The following PALM2AKAP2 variants were observed in gnomAD, a reference collection of about 807,000 sequenced individuals.
PALM2AKAP2 encodes the protein PALM2 and AKAP2 fusion, also known as PALM2-AKAP2 fusion protein.
In PALM2AKAP2, 37 loss-of-function variants were observed where a neutral mutation model predicts 71.5. The ratio of observed to expected loss-of-function variants is 0.52; its 90% CI spans 0.40 to 0.68. The LOEUF is 0.68. Among genes scored for constraint, PALM2AKAP2 ranks in the 30% least tolerant of loss-of-function variants. The pLI, the probability that PALM2AKAP2 is intolerant of heterozygous loss-of-function variation, is 0.00. For synonymous variants in PALM2AKAP2, 468 were observed against 478.8 expected (o/e 0.98, Z 0.29); for missense variants, 1,224 against 1,191.8 (o/e 1.03, Z -0.40).
chr9:109,869,798 C>T (rs1339931479), intron 2 of PALM2AKAP2, among the ~76,000 whole-genome samples: 1 of 152,164 alleles, frequency 6.6e-6, no homozygotes, highest in Non-Finnish European at 1.5e-5. Flanking sequence ...AAAATTCTCA[C>T]ACAGTTGATG....
At chr9:110,023,577 G>A (rs892332742) in intron 7 of PALM2AKAP2, among the ~76,000 whole-genome samples, 1 of 151,976 alleles carries the variant, frequency 6.6e-6, no homozygotes, top group Non-Finnish European at 1.5e-5. Flanking sequence ...GCCTCACAAA[G>A]TGCTGGGATT....
At chr9:109,940,519 T>C (rs908710383) in intron 6 of PALM2AKAP2, among the ~76,000 whole-genome samples, 1 of 152,206 alleles carries the variant, frequency 6.6e-6, no homozygotes, top group Admixed American at 6.5e-5. Context: ...TGTTATTTGG[T>C]TGTGCTAAAT....
intron 1 of PALM2AKAP2, among the ~76,000 whole-genome samples, chr9:110,081,882 C>T (rs993296473): frequency 3.3e-5 from 5 of 152,014 alleles, no homozygotes; most frequent in Non-Finnish European, 7.4e-5. Flanking sequence ...CCTACCTCTC[C>T]AAACCTTCCT....
intron 1 of PALM2AKAP2, among the ~76,000 whole-genome samples, chr9:110,107,567 A>AT (rs888132391): frequency 4.0e-5 from 6 of 151,382 alleles, no homozygotes; most frequent in African/African-American, 1.2e-4. Flanking sequence ...AGAACCTCTA[A>AT]TTTTTTTTTA....
chr9:109,904,764 A>T (rs750264389), intron 3 of PALM2AKAP2, among the ~76,000 whole-genome samples: 3 of 152,142 alleles, frequency 2.0e-5, no homozygotes, highest in Non-Finnish European at 4.4e-5. Context: ...TAAAATTATT[A>T]TTCTGGAGCA....
chr9:109,654,750 GGTGTGTGT>G (rs374397482), intron 1 of PALM2AKAP2, among the ~76,000 whole-genome samples: 11 of 147,298 alleles, frequency 7.5e-5, no homozygotes, highest in Admixed American at 4.1e-4. Context: ...GTATGTGTAT[GGTGTGTGT>G]GTGTGTGTGT....
chr9:109,980,381 T>C (rs1010433646), intron 6 of PALM2AKAP2, among the ~76,000 whole-genome samples: 1 of 152,172 alleles, frequency 6.6e-6, no homozygotes, highest in African/African-American at 2.4e-5. Context: ...GGAGGGTTTT[T>C]CTTCCTCAAA....
chr9:110,010,852 C>G (rs965457383), intron 6 of PALM2AKAP2, among the ~76,000 whole-genome samples: 2 of 147,828 alleles, frequency 1.4e-5, no homozygotes, highest in East Asian at 3.9e-4. Flanking sequence ...CAAAATTAGC[C>G]GGGCATGGTG....
chr9:109,764,884 A>G (rs1829124638), intron 1 of PALM2AKAP2, among the ~76,000 whole-genome samples: 1 of 152,254 alleles, frequency 6.6e-6, no homozygotes, highest in Non-Finnish European at 1.5e-5. Flanking sequence ...AACCTGGACT[A>G]AAGCTAGGAC....
At chr9:109,658,811 T>G (rs1029984438) in intron 1 of PALM2AKAP2, among the ~76,000 whole-genome samples, 1 of 152,162 alleles carries the variant, frequency 6.6e-6, no homozygotes, top group Non-Finnish European at 1.5e-5. Context: ...AAAATCAATT[T>G]CATTTCAACA....
chr9:109,641,919 A>C (rs1827075343), intron 1 of PALM2AKAP2, among the ~76,000 whole-genome samples: 1 of 152,190 alleles, frequency 6.6e-6, no homozygotes, highest in Non-Finnish European at 1.5e-5. Flanking sequence ...CTAAAGCAGA[A>C]GTGAGAGATG....
At position 110,137,501 on chromosome 9, in the gene PALM2AKAP2, T is replaced by G. The variant is rs1835914193; in HGVS notation, c.1531T>G (p.Ser511Ala). ...GAAGGAAGGGCCCTACAGCGAGCCT[T>G]CTAAACGTGGGCCCTTATCTAAACT... is the stretch of plus-strand genomic sequence containing the variant. The change falls in exon 2 of 4, where the codon TCT becomes GCT. Residue 511 changes from serine to alanine, a missense_variant. Coordinates refer to ENST00000374525, the Ensembl canonical transcript of PALM2AKAP2. The G allele has an allele frequency of 6.2e-7, 1 of 1,613,984 alleles. No homozygotes were observed. The highest frequency in any genetic ancestry group is 1.7e-5 in the Admixed American group (1 of 59,998).
intron 1 of PALM2AKAP2, among the ~76,000 whole-genome samples, chr9:109,829,906 CACAG>C (rs1362713265): frequency 6.6e-6 from 1 of 152,096 alleles, no homozygotes; most frequent in Non-Finnish European, 1.5e-5. Context: ...AAACAAAAAA[CACAG>C]ACAAAGTTGA....
In PALM2AKAP2 at chr9:110,145,891, C is replaced by CTTTTTT. The variant is rs61137720; in HGVS notation, c.2569+7372_2569+7377dup. Among the ~76,000 whole-genome samples, 203 of 64,484 alleles carry CTTTTTT rather than the reference C, an allele frequency of 3.1e-3. 3 individuals carry two copies. Among genetic ancestry groups the CTTTTTT allele is most frequent in the East Asian group, 5.2e-3 (10 of 1,928 alleles). The allele number at this position is 64,484 out of a possible 152,430, so 42.3% of individuals were successfully genotyped here. ...AAACCTGCCTGTCAGCCTCACTCTTCTTTTTTTTTTTTTTTTTTTTTTTTT... is the reference window on the plus strand; with the variant it reads ...AAACCTGCCTGTCAGCCTCACTCTTCTTTTTTTTTTTTTTTTTTTTTTTTTTTTTTT... On this transcript the variant is annotated intron_variant, in intron 2 of 3. Coordinates refer to ENST00000374525, the Ensembl canonical transcript of PALM2AKAP2.
chr9:109,891,408 T>C (rs1830085334), intron 3 of PALM2AKAP2, among the ~76,000 whole-genome samples: 1 of 152,146 alleles, frequency 6.6e-6, no homozygotes, highest in South Asian at 2.1e-4. Flanking sequence ...TATTAAGTAA[T>C]GTCAGGTAAG....
Position 109,979,122 on chromosome 9 carries a change from AGCTAGGACTACAGGCAC to A in PALM2AKAP2, c.497-36829_497-36813del, listed in dbSNP as rs1423348274. Among the ~76,000 whole-genome samples the A allele has an allele frequency of 3.9e-5, 6 of 152,120 alleles. No homozygotes were observed. In the South Asian group the frequency reaches 8.3e-4, roughly 21 times the overall value. On this transcript the variant is annotated intron_variant, in intron 6 of 9. Transcript: ENST00000302798. ...ATCTTCCCACCTCAACCTCCAGAGT[AGCTAGGACTACAGGCAC>A]GCACCACCATGCCCAGCTAATTTTT...
chr9:110,139,145 A>G (rs1835968235), intron 2 of PALM2AKAP2, among the ~76,000 whole-genome samples: 1 of 152,234 alleles, frequency 6.6e-6, no homozygotes, highest in Admixed American at 6.5e-5. Flanking sequence ...TGTTCTTGTC[A>G]TGTGACCCAT....
At chr9:109,990,807 T>A (rs1832466352) in intron 6 of PALM2AKAP2, among the ~76,000 whole-genome samples, 1 of 152,234 alleles carries the variant, frequency 6.6e-6, no homozygotes, top group Non-Finnish European at 1.5e-5. Context: ...TTGTTCCTTG[T>A]GAGATAAACA....
intron 1 of PALM2AKAP2, among the ~76,000 whole-genome samples, chr9:109,864,791 C>T (rs1490491314): frequency 6.6e-6 from 1 of 152,190 alleles, no homozygotes; most frequent in Non-Finnish European, 1.5e-5. Flanking sequence ...ATTAATCCAC[C>T]TTATGTATGA....
Sources: gnomAD v4.1 joint callset for allele counts (sites outside exome capture counted in the v4.1 genomes callset) on GRCh38, gnomAD v4.1.1 for gene constraint, MANE v1.5 for transcripts, NCBI Gene and HGNC (gene_info 2026-07-23, HGNC 2026-07-21) for gene names.